SKOR1: variants seen among roughly 807,000 people sequenced by gnomAD.
SKOR1 encodes LBX1 corepressor 1.
SKOR1 carries 38 observed loss-of-function variants against 72.4 expected under a neutral mutation model. The observed-to-expected ratio is 0.52, with a 90% confidence interval of 0.40 to 0.69. The LOEUF (loss-of-function observed/expected upper bound fraction) is 0.69, where lower values mean the gene tolerates loss of function less well. Among genes scored for constraint, SKOR1 ranks in the 30% least tolerant of loss-of-function variants. The probability of loss-of-function intolerance (pLI) is 0.00; values close to 1 mark genes in which losing one functional copy is unlikely to be tolerated. For missense variants in SKOR1, 1,320 were observed against 1,343.2 expected (o/e 0.98, Z 0.27); for synonymous variants, 642 against 599.4 (o/e 1.07, Z -1.04).
Position 67,829,200 on chromosome 15 carries a change from G to T in SKOR1, c.2338G>T (p.Glu780Ter). The change falls in exon 3 of 9, where the codon GAG becomes TAG. Residue 780 changes from glutamate to a stop codon, truncating the protein, a stop_gained. Transcript: ENST00000380035. LOFTEE classifies it high-confidence loss of function. ...GCAGGTGTTCGCGCCCGAGAGGGAT[G>T]AGCACGTGAAGAGCGCGGCGGTGGC... ...PAKVFAPERDEHVKSAAVALG... is the reference protein window; with the variant it reads ...PAKVFAPERD 6.4e-7 allele frequency: 1 copy of T among 1,573,370 alleles called. No homozygotes were observed. Among genetic ancestry groups the T allele is most frequent in the Admixed American group, 1.8e-5 (1 of 56,904 alleles).
Position 67,829,161 on chromosome 15 carries a change from A to T in SKOR1, c.2317-18A>T. 6.5e-7 allele frequency: 1 copy of T among 1,528,618 alleles called. No individual in the cohort carries two copies. The highest frequency in any genetic ancestry group is 8.8e-7 in the Non-Finnish European group (1 of 1,140,092). 94.7% of individuals were successfully genotyped at this position (1,528,618 alleles called of 1,614,324 possible). A position where few individuals can be genotyped will look rare whatever the true frequency, so the allele number is the denominator to read the frequency against. ...CAGGGCGCCACCCTAATCGCCTGTC[A>T]TTTCTCGGCCGTCGCAGGTGTTCGC... is the stretch of plus-strand genomic sequence containing the variant. On this transcript the variant is annotated intron_variant, in intron 2 of 8. Transcript: ENST00000380035.
Position 67,833,104 on chromosome 15 carries a change from C to A in SKOR1, c.2738-88C>A. 7.0e-7 allele frequency: 1 copy of A among 1,420,108 alleles called. No homozygotes were observed. The highest frequency in any genetic ancestry group is 9.9e-7 in the Non-Finnish European group (1 of 1,013,144). The allele number at this position is 1,420,108 out of a possible 1,614,324, so 88.0% of individuals were successfully genotyped here. ...AGTTGTTTCTGCGCGGAGCTTAGCC[C>A]TGGGGAGAGGAGGAAGCCCGGGCTG... On this transcript the variant is annotated intron_variant, in intron 7 of 8. Transcript: ENST00000380035. The surrounding 1 kb of genome is among the most constrained non-coding windows in gnomAD (Gnocchi z 6.0).
intron 3 of SKOR1, among the ~76,000 whole-genome samples, chr15:67,829,916 G>A (rs1242313332): frequency 1.3e-5 from 2 of 152,234 alleles, no homozygotes; most frequent in East Asian, 1.9e-4. Flanking sequence ...TGCGCGCGAT[G>A]TAGGTCGCTC....
Position 67,827,262 on chromosome 15 carries a change from G to GGCC in SKOR1, c.1444_1446dup (p.Ala482dup). The GGCC allele has an allele frequency of 1.3e-6, 2 of 1,574,044 alleles. No individual in the cohort carries two copies. Among genetic ancestry groups the GGCC allele is most frequent in the Non-Finnish European group, 8.6e-7 (1 of 1,168,762 alleles). ...AGGACGCAGCGGCAGTGGCTGCAGC[G>GGCC]GCCGCCGCCGCCACTGTGTACCCGA... On this transcript the variant is annotated inframe_insertion, in exon 2 of 9. Coordinates refer to ENST00000380035, the MANE Select transcript of SKOR1 (RefSeq NM_001365915.1).
rs990218937 is a variant in SKOR1, at chr15:67,828,137, C to T, written c.2309C>T (p.Pro770Leu). ...TGCGGGCCCCTAGGAGGCCCCGCGC[C>T]GGCCAAGGTGAGCCCCGCGCCCGCC... ...EPCGPLGGPA[P>L]AKVFAPERDE... is the part of the protein sequence containing the mutation. The change falls in exon 2 of 9, where the codon CCG (proline) becomes CTG (leucine). Residue 770 changes from proline (P) to leucine (L), a missense_variant. Around this residue, in one of 3 missense-constraint regions of SKOR1, gnomAD observed 1,099 missense variants for 1,025.5 expected, o/e 1.07. Coordinates refer to ENST00000380035, the MANE Select transcript of SKOR1 (RefSeq NM_001365915.1). 2 of 1,478,688 alleles carry T rather than the reference C, an allele frequency of 1.4e-6. No homozygotes were observed. The highest frequency in any genetic ancestry group is 1.8e-6 in the Non-Finnish European group (2 of 1,124,100). The allele number at this position is 1,478,688 out of a possible 1,614,324, so 91.6% of individuals were successfully genotyped here.
chr15:67,831,113 C>T (rs867603873), intron 5 of SKOR1, among the ~76,000 whole-genome samples: 10 of 152,106 alleles, frequency 6.6e-5, no homozygotes, highest in African/African-American at 2.4e-4. Context: ...AAAACAAACC[C>T]CCAGAAGTTT....
At chr15:67,830,111 C>G (rs1353345869) in intron 3 of SKOR1, 80 bp from the exon 4 acceptor site, 2 of 1,417,372 alleles carry the variant, frequency 1.4e-6, no homozygotes, top group East Asian at 4.6e-5. Context: ...AGGGCTGGGG[C>G]GCCCCGACCG....
rs2091012814 is a variant in SKOR1, at chr15:67,832,086, CTA to C, written c.2588-187_2588-186del. Reference sequence around the variant, plus strand: ...TCCTGAATTTATTCTCCTGGGCATCCTACCCACAGCCCAGTTTCTTCACCCAA... The same window carrying C: ...TCCTGAATTTATTCTCCTGGGCATCCCCCACAGCCCAGTTTCTTCACCCAA... On this transcript the variant is annotated intron_variant, in intron 5 of 8. Transcript: ENST00000380035. The surrounding 1 kb of genome is among the most constrained non-coding windows in gnomAD (Gnocchi z 4.5). 6.6e-6 allele frequency among the ~76,000 whole-genome samples: 1 copy of C among 152,090 alleles called. No homozygotes were observed. Among genetic ancestry groups the C allele is most frequent in the Non-Finnish European group, 1.5e-5 (1 of 68,006 alleles).
In SKOR1 at chr15:67,826,284, C is replaced by G. The variant is rs766312968; in HGVS notation, c.456C>G (p.Gly152=). Residue 152 remains glycine, a synonymous_variant, in exon 2 of 9, where the codon GGC becomes GGG. Coordinates refer to ENST00000380035, the MANE Select transcript of SKOR1 (RefSeq NM_001365915.1). The part of the protein sequence containing the change: ...GAMPISSRRC[G]MITKREAERL... ...TGCCCATCTCGTCGCGCCGCTGCGGCATGATCACTAAGCGAGAGGCCGAAC... is the reference window on the plus strand; with the variant it reads ...TGCCCATCTCGTCGCGCCGCTGCGGGATGATCACTAAGCGAGAGGCCGAAC... 6.2e-7 allele frequency: 1 copy of G among 1,613,402 alleles called. No homozygotes were observed. Among genetic ancestry groups the G allele is most frequent in the Non-Finnish European group, 8.5e-7 (1 of 1,180,040 alleles).
intron 3 of SKOR1, among the ~76,000 whole-genome samples, chr15:67,829,626 C>T (rs985556836): frequency 6.6e-6 from 1 of 152,146 alleles, no homozygotes; most frequent in African/African-American, 2.4e-5. Context: ...CGGATCGGGG[C>T]GGAGGATGGG....
At position 67,833,636 on chromosome 15, in the gene SKOR1, C is replaced by T. The variant is rs2091025648; in HGVS notation, c.2804-106C>T. On this transcript the variant is annotated intron_variant, in intron 8 of 8. Coordinates refer to ENST00000380035, the MANE Select transcript of SKOR1 (RefSeq NM_001365915.1). The surrounding 1 kb of genome is among the most constrained non-coding windows in gnomAD (Gnocchi z 6.0). ...CCTCCTGATCCGCTCGGTTGAGATT[C>T]CCTGACCCCAAAGGGTTGGTAAGGC... is the stretch of plus-strand genomic sequence containing the variant. 7 of 1,202,310 alleles carry T rather than the reference C, an allele frequency of 5.8e-6. No homozygotes were observed. Among genetic ancestry groups the T allele is most frequent in the Non-Finnish European group, 8.6e-6 (7 of 813,892 alleles). The allele number at this position is 1,202,310 out of a possible 1,614,324, so 74.5% of individuals were successfully genotyped here.
chr15:67,832,304 T>C lies in SKOR1; in HGVS notation c.2618T>C (p.Met873Thr). 8.7e-6 allele frequency: 14 copies of C among 1,614,042 alleles called. No homozygotes were observed. Among genetic ancestry groups the C allele is most frequent in the Non-Finnish European group, 1.2e-5 (14 of 1,180,010 alleles). The stretch of plus-strand genomic sequence containing the variant: ...TTGCAAAAACTGCTCCTGGAACAAA[T>C]GGAGCTCCGCAAGAAGCTGGAACGG... ...EELQKLLLEQ[M>T]ELRKKLEREF... is the part of the protein sequence containing the mutation. The change falls in exon 6 of 9, where the codon ATG becomes ACG. Residue 873 changes from methionine to threonine, a missense_variant. Physicochemically the swap from Met to Thr is moderately conservative, Grantham distance 81. Around this residue, in one of 3 missense-constraint regions of SKOR1, gnomAD observed 1,099 missense variants for 1,025.5 expected, o/e 1.07. Coordinates refer to ENST00000380035, the MANE Select transcript of SKOR1 (RefSeq NM_001365915.1). This position sits in a 1 kb window ranked among gnomAD's most constrained non-coding sequence, Gnocchi z 4.5.
chr15:67,830,208 A>C lies in SKOR1; in HGVS notation c.2425A>C (p.Asn809His), dbSNP rs765811329. 53 of 1,614,056 alleles carry C rather than the reference A, an allele frequency of 3.3e-5. No homozygotes were observed. The highest frequency in any genetic ancestry group is 4.1e-5 in the Non-Finnish European group (48 of 1,180,030). ...CCTTCAAGAGCCAGATAAGGAAGAC[A>C]ATCACTCGCCCGCCGATGATTTGGA... ...PEAHEPDKEDNHSPADDLETR... is the reference protein window; with the variant it reads ...PEAHEPDKEDHHSPADDLETR... The change falls in exon 4 of 9, where the codon AAT becomes CAT. Residue 809 changes from asparagine to histidine, a missense_variant. Physicochemically the swap from Asn to His is moderately conservative, Grantham distance 68. This residue lies in a region of SKOR1 where 1,099 missense variants were observed against 1,025.5 expected (regional missense o/e 1.07). Transcript: ENST00000380035.
rs2141370696 is a variant in SKOR1 at position 67,832,910 on chromosome 15, T to G, written c.2737+229T>G. 5.0e-6 allele frequency: 3 copies of G among 598,642 alleles called. No homozygotes were observed. The East Asian group carries it at 8.3e-5, about 17-fold the overall frequency. 37.1% of individuals were successfully genotyped at this position (598,642 alleles called of 1,614,324 possible). ...TGATTGAACTTCTTATCGCGGCAAT[T>G]TCCATGGTTTCTAAATTAAAAATCG... On this transcript the variant is annotated intron_variant, in intron 7 of 8. Coordinates refer to ENST00000380035, the MANE Select transcript of SKOR1 (RefSeq NM_001365915.1). The surrounding 1 kb of genome is among the most constrained non-coding windows in gnomAD (Gnocchi z 4.5).
rs1175356344 is a variant in SKOR1, at chr15:67,833,697, A to G, written c.2804-45A>G. On this transcript the variant is annotated intron_variant, in intron 8 of 8. Transcript: ENST00000380035. The surrounding 1 kb of genome is among the most constrained non-coding windows in gnomAD (Gnocchi z 6.0). ...AAAGGGTGGACTGCGCGGTGAGGTGAGCCTGGAGAGGCGCCCAGAGTGACC... is the reference window on the plus strand; with the variant it reads ...AAAGGGTGGACTGCGCGGTGAGGTGGGCCTGGAGAGGCGCCCAGAGTGACC... The G allele has an allele frequency of 9.4e-6, 15 of 1,590,742 alleles. No homozygotes were observed. The highest frequency in any genetic ancestry group is 1.2e-5 in the Non-Finnish European group (14 of 1,159,942).
At position 67,827,450 on chromosome 15, in the gene SKOR1, C is replaced by T. The variant is rs2090971131; in HGVS notation, c.1622C>T (p.Pro541Leu). 3 of 1,522,840 alleles carry T rather than the reference C, an allele frequency of 2.0e-6. No individual in the cohort carries two copies. Among genetic ancestry groups the T allele is most frequent in the South Asian group, 1.2e-5 (1 of 82,964 alleles). The allele number at this position is 1,522,840 out of a possible 1,614,324, so 94.3% of individuals were successfully genotyped here. The change falls in exon 2 of 9, where the codon CCA becomes CTA. Residue 541 changes from proline (P) to leucine (L), a missense_variant. Around this residue, in one of 3 missense-constraint regions of SKOR1, gnomAD observed 1,099 missense variants for 1,025.5 expected, o/e 1.07. Transcript: ENST00000380035. ...CCAGAGCCCCTGGACGGTGCCGAGCCAGCCAAAGAGAGTGGCCTCGGCGCG... is the reference window on the plus strand; with the variant it reads ...CCAGAGCCCCTGGACGGTGCCGAGCTAGCCAAAGAGAGTGGCCTCGGCGCG... ...GAPEPLDGAE[P>L]AKESGLGAEE...
chr15:67,827,048 C>T lies in SKOR1; in HGVS notation c.1220C>T (p.Pro407Leu), dbSNP rs767076818. 1.9e-6 allele frequency: 3 copies of T among 1,557,140 alleles called. No individual in the cohort carries two copies. The highest frequency in any genetic ancestry group is 3.7e-5 in the Admixed American group (2 of 54,258). Residue 407 changes from proline to leucine, a missense_variant, in exon 2 of 9, where the codon CCC becomes CTC. Around this residue, in one of 3 missense-constraint regions of SKOR1, gnomAD observed 1,099 missense variants for 1,025.5 expected, o/e 1.07. Coordinates refer to ENST00000380035, the MANE Select transcript of SKOR1 (RefSeq NM_001365915.1). ...TTCCCTACGGCCTTCGGCCTATGCC[C>T]CAAAAAGGACGACCCGGTTTTAGGC... is the stretch of plus-strand genomic sequence containing the variant. ...YGFPTAFGLC[P>L]KKDDPVLGAG...
At chr15:67,828,966 T>C (rs944887792) in intron 2 of SKOR1, among the ~76,000 whole-genome samples, 9 of 152,094 alleles carry the variant, frequency 5.9e-5, no homozygotes, top group African/African-American at 1.9e-4. Flanking sequence ...GCTTTGTGTT[T>C]AGAGTAATTT....
intron 5 of SKOR1, among the ~76,000 whole-genome samples, chr15:67,831,451 G>C (rs1045336614): frequency 1.3e-5 from 2 of 152,188 alleles, no homozygotes; most frequent in Non-Finnish European, 2.9e-5. Flanking sequence ...GGCTTGGGGT[G>C]CAGAGTAGGG....
Sources: allele counts gnomAD v4.1 joint callset (sites outside exome capture counted in the v4.1 genomes callset), GRCh38; gene constraint gnomAD v4.1.1; regional missense constraint gnomAD v4.1.1; non-coding constraint Gnocchi (gnomAD v3.1); transcripts MANE v1.5; gene names NCBI Gene and HGNC (gene_info 2026-07-23, HGNC 2026-07-21).